Variants in ALOX15B observed in about 807,000 individuals in gnomAD.
The protein encoded by ALOX15B is polyunsaturated fatty acid lipoxygenase ALOX15B.
In ALOX15B, 74 loss-of-function variants were observed where a neutral mutation model predicts 73.8. The ratio of observed to expected loss-of-function variants is 1.00; its 90% CI spans 0.83 to 1.22. The LOEUF (loss-of-function observed/expected upper bound fraction) is 1.22, where lower values mean the gene tolerates loss of function less well. Among genes scored for constraint, ALOX15B ranks in the 50% most tolerant of loss-of-function variants. The probability of loss-of-function intolerance (pLI) is 0.00; values close to 1 mark genes in which losing one functional copy is unlikely to be tolerated. For missense variants in ALOX15B, 896 were observed against 859.9 expected, an observed-to-expected ratio of 1.04 and a Z score of -0.52; for synonymous variants, 353 against 357.2, an observed-to-expected ratio of 0.99 and a Z score of 0.13.
Position 8,048,610 on chromosome 17 carries a change from C to T in ALOX15B, c.*45C>T, listed in dbSNP as rs143875273. The T allele has an allele frequency of 4.1e-4, 642 of 1,577,310 alleles. 6 individuals are homozygous for T. The East Asian group carries it at 0.014, about 33-fold the overall frequency. On this transcript the variant is annotated 3_prime_UTR_variant, in exon 14 of 14. Coordinates refer to ENST00000380183, the MANE Select transcript of ALOX15B (RefSeq NM_001141.3). The stretch of plus-strand genomic sequence containing the variant: ...CCAGATGACATCCCTTTGACCACAT[C>T]GCTCTAGGATAACTGGCACCCAGAG...
Position 8,046,673 on chromosome 17 carries a change from G to C in ALOX15B, c.1206G>C (p.Leu402=). 6.2e-7 allele frequency: 1 copy of C among 1,613,606 alleles called. No individual in the cohort carries two copies. The highest frequency in any genetic ancestry group is 8.5e-7 in the Non-Finnish European group (1 of 1,179,854). ...GCCATTTTCCTGCCATGCAGCTGCTGATCCCGCACACCCGATACACCCTGC... is the reference window on the plus strand; with the variant it reads ...GCCATTTTCCTGCCATGCAGCTGCTCATCCCGCACACCCGATACACCCTGC... ...LPHCHPLFKL[L]IPHTRYTLHI... Residue 402 remains leucine, a synonymous_variant, in exon 9 of 14, where the codon CTG becomes CTC. Coordinates refer to ENST00000380183, the MANE Select transcript of ALOX15B (RefSeq NM_001141.3).
intron 10 of ALOX15B, 72 bp from the exon 11 acceptor site, chr17:8,047,186 T>C (rs775087131): frequency 4.3e-5 from 69 of 1,607,866 alleles, no homozygotes; most frequent in Non-Finnish European, 5.8e-5. Context: ...CAGACATTCA[T>C]GATGCTAAGC....
In ALOX15B at chr17:8,042,756, C is replaced by T. The variant is rs575698344; in HGVS notation, c.573-25C>T. ...GGTCTCCCAGGGCCTCCTCCCCACT[C>T]CCCACCCCTCACATCCCCTGGCAGT... On this transcript the variant is annotated intron_variant, in intron 4 of 13. Transcript: ENST00000380183. The T allele has an allele frequency of 6.0e-5, 93 of 1,538,116 alleles. No homozygotes were observed. In the South Asian group the frequency reaches 1.1e-3, roughly 18 times the overall value.
At position 8,039,959 on chromosome 17, in the gene ALOX15B, T is replaced by C. The variant is rs753742598; in HGVS notation, c.425T>C (p.Leu142Pro). The C allele has an allele frequency of 1.9e-6, 3 of 1,612,910 alleles. No individual in the cohort carries two copies. The highest frequency in any genetic ancestry group is 1.7e-5 in the Admixed American group (1 of 59,918). Residue 142 changes from leucine (L) to proline (P), a missense_variant, in exon 3 of 14, where the codon CTT (leucine) becomes CCT (proline). Physicochemically the swap from Leu to Pro is moderately conservative, Grantham distance 98. Coordinates refer to ENST00000380183, the MANE Select transcript of ALOX15B (RefSeq NM_001141.3). ...CTCCAGCAACAGCGCCAGGAGGAGCTTCAGGCCCGGCAGGAGATGTACCAG... is the reference window on the plus strand; with the variant it reads ...CTCCAGCAACAGCGCCAGGAGGAGCCTCAGGCCCGGCAGGAGATGTACCAG... ...PVLQQQRQEE[L>P]QARQEMYQWK...
chr17:8,044,784 C>T, intron 5 of ALOX15B, 45 bp from the exon 6 acceptor site: 1 of 1,334,908 alleles, frequency 7.5e-7, no homozygotes, highest in Non-Finnish European at 1.0e-6. Context: ...CCCTGCAAAG[C>T]ACGCATTTGA....
chr17:8,040,647 G>GAAAGAAAGAAAGAAAGA (rs1255631976), intron 3 of ALOX15B, among the ~76,000 whole-genome samples: 405 of 122,246 alleles, frequency 3.3e-3, no homozygotes, highest in African/African-American at 0.01. Flanking sequence ...AAGAAAGAAA[G>GAAAGAAAGAAAGAAAGA]AAAGAAAAGA....
chr17:8,047,180 C>T (rs992777411), intron 10 of ALOX15B, 78 bp from the exon 11 acceptor site: 4 of 1,607,194 alleles, frequency 2.5e-6, no homozygotes, highest in East Asian at 2.2e-5. Flanking sequence ...GAGGGCCAGA[C>T]ATTCATGATG....
intron 5 of ALOX15B, among the ~76,000 whole-genome samples, chr17:8,044,568 A>G (rs960810150): frequency 1.4e-4 from 21 of 152,162 alleles, no homozygotes; most frequent in African/African-American, 5.1e-4. Flanking sequence ...TTTGGCCTGC[A>G]ACGTGTTGCA....
In ALOX15B at chr17:8,047,704, G is replaced by A. The variant is rs150531871; in HGVS notation, c.1680+40G>A. ...GCGCCCGAGGTGGCAGGCTGGAGGT[G>A]ACCCAGCTCCTCAGCCTCATTCTGC... is the stretch of plus-strand genomic sequence containing the variant. On this transcript the variant is annotated intron_variant, in intron 12 of 13. Coordinates refer to ENST00000380183, the MANE Select transcript of ALOX15B (RefSeq NM_001141.3). The A allele has an allele frequency of 3.1e-4, 499 of 1,613,794 alleles. 3 individuals carry two copies. In the Middle Eastern group the frequency reaches 0.018, roughly 58 times the overall value.
At chr17:8,041,269 A>C (rs1976456947) in intron 3 of ALOX15B, among the ~76,000 whole-genome samples, 1 of 152,240 alleles carries the variant, frequency 6.6e-6, no homozygotes, top group Non-Finnish European at 1.5e-5. Flanking sequence ...CTTCTGTAAA[A>C]GAAACTAAGA....
At position 8,048,531 on chromosome 17, in the gene ALOX15B, A is replaced by G. The variant is rs1598168361; in HGVS notation, c.1997A>G (p.Asp666Gly). Residue 666 changes from aspartate to glycine, a missense_variant, in exon 14 of 14, where the codon GAC becomes GGC. Asp to Gly is a moderately conservative substitution (Grantham distance 94). Coordinates refer to ENST00000380183, the MANE Select transcript of ALOX15B (RefSeq NM_001141.3). ...QGLVLPYTYL[D>G]PPLIENSVSI ...CTGGTGCTGCCCTACACCTACCTAG[A>G]CCCTCCCCTCATCGAGAACAGCGTC... 1.2e-6 allele frequency: 2 copies of G among 1,613,716 alleles called. No individual in the cohort carries two copies. Among genetic ancestry groups the G allele is most frequent in the Admixed American group, 1.7e-5 (1 of 59,956 alleles).
rs61730298 is a variant in ALOX15B at position 8,048,438 on chromosome 17, G to A, written c.1904G>A (p.Arg635Gln). 5.1e-3 allele frequency: 8,250 copies of A among 1,614,036 alleles called. 378 individuals carry two copies. The African/African-American group carries it at 0.094, about 18-fold the overall frequency. Reference sequence around the variant, plus strand: ...CACTTCACAGAGGAGGCCCCTCGGCGGAGCATCGCCACCTTCCAGAGCCGC... The same window carrying A: ...CACTTCACAGAGGAGGCCCCTCGGCAGAGCATCGCCACCTTCCAGAGCCGC... ...DEHFTEEAPRRSIATFQSRLA... is the reference protein window; with the variant it reads ...DEHFTEEAPRQSIATFQSRLA... The change falls in exon 14 of 14, where the codon CGG becomes CAG. Residue 635 changes from arginine to glutamine, a missense_variant. By Grantham distance (43) the Arg-to-Gln change is conservative (BLOSUM62 1). Coordinates refer to ENST00000380183, the MANE Select transcript of ALOX15B (RefSeq NM_001141.3).
Position 8,046,665 on chromosome 17 carries a change from C to T in ALOX15B, c.1201-3C>T. The T allele has an allele frequency of 6.2e-7, 1 of 1,613,132 alleles. No individual in the cohort carries two copies. Among genetic ancestry groups the T allele is most frequent in the Non-Finnish European group, 8.5e-7 (1 of 1,179,630 alleles). ...CTAGCTCTGCCATTTTCCTGCCATG[C>T]AGCTGCTGATCCCGCACACCCGATA... On this transcript the variant is annotated splice_polypyrimidine_tract_variant and splice_region_variant and intron_variant, in intron 8 of 13. Transcript: ENST00000380183.
chr17:8,044,910 G>A lies in ALOX15B; in HGVS notation c.758G>A (p.Arg253His), dbSNP rs760315762. The change falls in exon 6 of 14, where the codon CGC becomes CAC. Residue 253 changes from arginine to histidine, a missense_variant. Coordinates refer to ENST00000380183, the MANE Select transcript of ALOX15B (RefSeq NM_001141.3). ...GGTCTCAACCCTGTCCTGATCCGCCGCTGTCACTACCTCCCAAAGAACTTC... is the reference window on the plus strand; with the variant it reads ...GGTCTCAACCCTGTCCTGATCCGCCACTGTCACTACCTCCCAAAGAACTTC... ...LNGLNPVLIR[R>H]CHYLPKNFPV... 11 of 1,613,998 alleles carry A rather than the reference G, an allele frequency of 6.8e-6. No individual in the cohort carries two copies. Among genetic ancestry groups the A allele is most frequent in the East Asian group, 2.2e-5 (1 of 44,872 alleles).
chr17:8,039,128 C>T lies in ALOX15B; in HGVS notation c.-28C>T, dbSNP rs755666587. ...AGCCCCGCTCTGCAGCCCTGTGCGC[C>T]GTAGAGAGCTGGACTTAGGCTGGCA... On this transcript the variant is annotated 5_prime_UTR_variant, in exon 1 of 14. Transcript: ENST00000380183. The T allele has an allele frequency of 1.9e-6, 3 of 1,607,220 alleles. No homozygotes were observed. The highest frequency in any genetic ancestry group is 2.2e-5 in the South Asian group (2 of 90,060).
rs78230493 is a variant in ALOX15B, at chr17:8,039,467, C to G, written c.229C>G (p.Pro77Ala). 8,070 of 1,602,208 alleles carry G rather than the reference C, an allele frequency of 5.0e-3. 326 individuals are homozygous for G. In the African/African-American group the frequency reaches 0.093, roughly 18 times the overall value. ...CGTGCACAAGGCGCCCCCAGTGCTGCCCCTGCTGGGGCCCCTGGCCCCGGA... is the reference window on the plus strand; with the variant it reads ...CGTGCACAAGGCGCCCCCAGTGCTGGCCCTGCTGGGGCCCCTGGCCCCGGA... Reference protein sequence around the residue: ...LRVHKAPPVLPLLGPLAPDAW... With the variant: ...LRVHKAPPVLALLGPLAPDAW... Residue 77 changes from proline to alanine, a missense_variant, in exon 2 of 14, where the codon CCC becomes GCC. Coordinates refer to ENST00000380183, the MANE Select transcript of ALOX15B (RefSeq NM_001141.3).
intron 13 of ALOX15B, 111 bp downstream of exon 13, chr17:8,048,026 C>G: frequency 7.9e-7 from 1 of 1,273,596 alleles, no homozygotes; most frequent in Non-Finnish European, 1.1e-6. Flanking sequence ...GTCCCTTTGC[C>G]CCACTGACCC....
chr17:8,044,160 G>GAAAGAAAAGGA (rs1567971246), intron 5 of ALOX15B, among the ~76,000 whole-genome samples: 1 of 150,892 alleles, frequency 6.6e-6, no homozygotes, highest in Non-Finnish European at 1.5e-5. Flanking sequence ...AGGAAAGAAA[G>GAAAGAAAAGGA]AAAAGGAAAA....
Position 8,046,741 on chromosome 17 carries a change from AG to A in ALOX15B, c.1276del (p.Val426TrpfsTer16), listed in dbSNP as rs1000478509. On this transcript the variant is annotated frameshift_variant, in exon 9 of 14. Transcript: ENST00000380183. LOFTEE classifies it high-confidence loss of function. ...LARELLIVPG[Q>X]VVDRSTGIGI... ...CGGGAGCTGCTTATCGTGCCAGGGC[AG>A]GTGGTGGACAGGGTGAGAGCTGTGT... The A allele has an allele frequency of 4.3e-6, 7 of 1,613,910 alleles. No individual in the cohort carries two copies. The highest frequency in any genetic ancestry group is 5.9e-6 in the Non-Finnish European group (7 of 1,179,934).
Sources: allele counts gnomAD v4.1 joint callset (sites outside exome capture counted in the v4.1 genomes callset), GRCh38; gene constraint gnomAD v4.1.1; transcripts MANE v1.5; gene names NCBI Gene and HGNC (gene_info 2026-07-23, HGNC 2026-07-21).